Variants in RILPL1 observed in about 807,000 individuals in gnomAD.
RILPL1 encodes the protein Rab interacting lysosomal protein like 1, also known as RILP-like protein 1.
A neutral mutation model predicts 50.3 loss-of-function variants in RILPL1; 33 were observed. The observed-to-expected ratio is 0.66, with a 90% CI of 0.50 to 0.88. RILPL1 has a LOEUF of 0.88. Among genes scored for constraint, RILPL1 ranks in the 40% least tolerant of loss-of-function variants. RILPL1 has a pLI of 0.00. For synonymous variants in RILPL1, 205 were observed against 228.6 expected (o/e 0.90, Z 0.93); for missense variants, 418 against 542.5 (o/e 0.77, Z 2.28).
rs1424218093 is a variant in RILPL1, at chr12:123,484,832, AT to A, written c.975-561del. On this transcript the variant is annotated intron_variant, in intron 5 of 6. Transcript: ENST00000376874. Reference sequence around the variant, plus strand: ...CACCATACCTGGCTAATTTTTAAAAATTTTTGTGTAGAGATGGGGGTCCCAC... The same window carrying A: ...CACCATACCTGGCTAATTTTTAAAAATTTTGTGTAGAGATGGGGGTCCCAC... 8 of 252,246 alleles carry A rather than the reference AT, an allele frequency of 3.2e-5. 1 individual carries two copies. Among genetic ancestry groups the A allele is most frequent in the Non-Finnish European group, 6.4e-5 (8 of 124,800 alleles). The allele number at this position is 252,246 out of a possible 1,614,324, so 15.6% of individuals were successfully genotyped here.
intron 1 of RILPL1, among the ~76,000 whole-genome samples, chr12:123,527,250 G>A (rs1044798415): frequency 6.6e-6 from 1 of 152,074 alleles, no homozygotes; most frequent in African/African-American, 2.4e-5. Flanking sequence ...AGGATCACTT[G>A]AGCCCCGGAG....
chr12:123,484,300 A>C (rs534848654), intron 5 of RILPL1, 28 bp from the exon 6 acceptor site: 2 of 1,405,880 alleles, frequency 1.4e-6, no homozygotes, highest in Admixed American at 1.7e-5. Context: ...GCGTGAGATA[A>C]AAGAGTCAAA....
At chr12:123,515,337 G>T (rs922123241) in intron 2 of RILPL1, 1 of 151,934 alleles carries the variant, frequency 6.6e-6, no homozygotes, top group African/African-American at 2.4e-5. Context: ...AGAAAGGGAA[G>T]GTTTTCCCTC....
At chr12:123,513,393 G>A (rs542656595) in intron 2 of RILPL1, 1 of 375,824 alleles carries the variant, frequency 2.7e-6, no homozygotes, top group Non-Finnish European at 5.6e-6. Flanking sequence ...TTGGCTCCCC[G>A]AGAGGTGGGC....
chr12:123,487,534 C>T (rs887449616), intron 4 of RILPL1, among the ~76,000 whole-genome samples: 12 of 151,528 alleles, frequency 7.9e-5, no homozygotes, highest in African/African-American at 2.4e-4. Flanking sequence ...CTTGAACTCC[C>T]GTCCTCAGGT....
chr12:123,493,960 A>T (rs1882861119), intron 4 of RILPL1, among the ~76,000 whole-genome samples: 1 of 151,258 alleles, frequency 6.6e-6, no homozygotes, highest in Non-Finnish European at 1.5e-5. Context: ...TTTTTTGTAT[A>T]TTTAGTAGAG....
intron 6 of RILPL1, among the ~76,000 whole-genome samples, chr12:123,482,866 A>G (rs1882086134): frequency 6.6e-6 from 1 of 152,048 alleles, no homozygotes. Context: ...GCCTCCCAAA[A>G]TGCTGAGATT....
intron 4 of RILPL1, among the ~76,000 whole-genome samples, chr12:123,486,477 T>C (rs1882341499): frequency 6.6e-6 from 1 of 152,174 alleles, no homozygotes; most frequent in African/African-American, 2.4e-5. Context: ...GAGGGAGCCT[T>C]TTTAGAAAAA....
Position 123,522,887 on chromosome 12 carries a change from G to A in RILPL1, c.460+608C>T, listed in dbSNP as rs535134789. 6.6e-5 allele frequency among the ~76,000 whole-genome samples: 10 copies of A among 152,248 alleles called. No homozygotes were observed. The highest frequency in any genetic ancestry group is 1.3e-4 in the Admixed American group (2 of 15,280). ...GGATCACAGGTGTGAGCCACTGCGC[G>A]CGGCCTACACCGGCCTTCTTGGTTT... On this transcript the variant is annotated intron_variant, in intron 2 of 6. Coordinates refer to ENST00000376874, the MANE Select transcript of RILPL1 (RefSeq NM_178314.5). The surrounding 1 kb of genome is among the most constrained non-coding windows in gnomAD (Gnocchi z 4.0).
intron 4 of RILPL1, among the ~76,000 whole-genome samples, chr12:123,496,806 A>C (rs1883060439): frequency 6.6e-6 from 1 of 152,154 alleles, no homozygotes; most frequent in South Asian, 2.1e-4. Flanking sequence ...GCCTACCTGG[A>C]TGTTAGCTGC....
chr12:123,505,500 T>A lies in RILPL1; in HGVS notation c.461-5964A>T, dbSNP rs190129720. ...ACCACACTTGGCTAATTAAAAAAAA[T>A]TTTTTTTAAGTCTCACTGTGTTACC... is the stretch of plus-strand genomic sequence containing the variant. On this transcript the variant is annotated intron_variant, in intron 2 of 6. Coordinates refer to ENST00000376874, the MANE Select transcript of RILPL1 (RefSeq NM_178314.5). 1.5e-3 allele frequency among the ~76,000 whole-genome samples: 228 copies of A among 152,108 alleles called. 1 individual carries two copies. The highest frequency in any genetic ancestry group is 3.7e-3 in the South Asian group (18 of 4,814).
At chr12:123,510,147 G>C (rs1042430360) in intron 2 of RILPL1, among the ~76,000 whole-genome samples, 1 of 152,360 alleles carries the variant, frequency 6.6e-6, no homozygotes, top group East Asian at 1.9e-4. Flanking sequence ...CCCGCTTGCA[G>C]TTGTGAAGTG....
chr12:123,505,633 T>C (rs1214329238), intron 2 of RILPL1, among the ~76,000 whole-genome samples: 1 of 151,960 alleles, frequency 6.6e-6, no homozygotes, highest in African/African-American at 2.4e-5. Flanking sequence ...GTTTTTGTTT[T>C]CTGTTTTTTT....
chr12:123,512,051 GT>G (rs1448261064), intron 2 of RILPL1, among the ~76,000 whole-genome samples: 2 of 137,660 alleles, frequency 1.5e-5, no homozygotes, highest in African/African-American at 5.5e-5. Flanking sequence ...TGTGTGTGAG[GT>G]CTGTGTGTGG....
chr12:123,499,457 C>T lies in RILPL1; in HGVS notation c.540G>A (p.Lys180=). 1 of 1,613,938 alleles carries T rather than the reference C, an allele frequency of 6.2e-7. No homozygotes were observed. ...VDKQRDEIRA[K]DRELGLKNED... Reference sequence around the variant, plus strand: ...CATTTTTCAGGCCCAGCTCCCTGTCCTTGGCGCGGATCTCGTCGCGTTGTT... The same window carrying T: ...CATTTTTCAGGCCCAGCTCCCTGTCTTTGGCGCGGATCTCGTCGCGTTGTT... The change falls in exon 3 of 7, where the codon AAG becomes AAA. Residue 180 remains lysine (K), a synonymous_variant. Transcript: ENST00000376874.
chr12:123,515,531 C>T (rs1252089767), intron 2 of RILPL1: 2 of 151,496 alleles, frequency 1.3e-5, no homozygotes, highest in Admixed American at 6.6e-5. Context: ...CTCACTACGA[C>T]CTCTGCCTCC....
At chr12:123,480,117 G>C (rs78158289) in intron 6 of RILPL1, among the ~76,000 whole-genome samples, 2,867 of 150,678 alleles carry the variant, frequency 0.019, 76 homozygotes, top group African/African-American at 0.062. Context: ...TCTGAATGCA[G>C]TACATTGGAA....
chr12:123,528,528 T>G (rs184771500), intron 1 of RILPL1, among the ~76,000 whole-genome samples: 1 of 151,046 alleles, frequency 6.6e-6, no homozygotes, highest in Admixed American at 6.6e-5. Flanking sequence ...CCCGGGTTCA[T>G]GCCATTCTCC....
intron 6 of RILPL1, among the ~76,000 whole-genome samples, chr12:123,478,252 C>T (rs1163816052): frequency 1.3e-5 from 2 of 151,882 alleles, no homozygotes; most frequent in South Asian, 2.1e-4. Context: ...CCCCCCACCT[C>T]GGCCTCCCAA....
Sources: allele counts gnomAD v4.1 joint callset (sites outside exome capture counted in the v4.1 genomes callset), GRCh38; gene constraint gnomAD v4.1.1; non-coding constraint Gnocchi (gnomAD v3.1); transcripts MANE v1.5; gene names NCBI Gene and HGNC (gene_info 2026-07-23, HGNC 2026-07-21).